The following SLC17A1 variants were observed in gnomAD, a reference collection of about 807,000 sequenced individuals.
The protein encoded by SLC17A1 is solute carrier family 17 member 1.
In SLC17A1, 51 loss-of-function variants were observed where a neutral mutation model predicts 53.5. The ratio of observed to expected loss-of-function variants is 0.95; its 90% CI spans 0.76 to 1.20. The LOEUF (loss-of-function observed/expected upper bound fraction) is 1.20, where lower values mean the gene tolerates loss of function less well. SLC17A1 is among the 50% of genes most tolerant of loss of function. The pLI is 0.00. For synonymous variants in SLC17A1, 179 were observed against 198.8 expected, an observed-to-expected ratio of 0.90 and a Z score of 0.84; for missense variants, 538 against 568.2, an observed-to-expected ratio of 0.95 and a Z score of 0.54.
At chr6:25,757,993 T>C in the SLC17A1 span, among the ~76,000 whole-genome samples, 1 of 152,172 alleles carries the variant, frequency 6.6e-6, no homozygotes, top group Non-Finnish European at 1.5e-5. Flanking sequence ...CCGTATCTGG[T>C]TCACAAGGGA....
At chr6:25,727,158 C>T in the SLC17A1 span, 2 of 1,614,180 alleles carry the variant, frequency 1.2e-6, no homozygotes, top group Non-Finnish European at 1.7e-6. Flanking sequence ...ACGTTTGGCT[C>T]ACTACAGCAA....
At chr6:25,755,261 G>T in the SLC17A1 span, among the ~76,000 whole-genome samples, 1 of 152,128 alleles carries the variant, frequency 6.6e-6, no homozygotes, top group Non-Finnish European at 1.5e-5. Context: ...AAAACCAAAC[G>T]GTTCTGGTTT....
the SLC17A1 span, among the ~76,000 whole-genome samples, chr6:25,724,875 T>A: frequency 2.4e-5 from 2 of 81,810 alleles, no homozygotes; most frequent in Admixed American, 3.2e-4. Flanking sequence ...TTATTTATTA[T>A]GTATGCAGGT....
At chr6:25,761,843 A>G in the SLC17A1 span, 2 of 743,590 alleles carry the variant, frequency 2.7e-6, no homozygotes, top group Non-Finnish European at 4.3e-6. Context: ...ATACAGCAAC[A>G]TTTGCTCCTA....
downstream of SLC17A1, among the ~76,000 whole-genome samples, chr6:25,781,452 C>T (rs1191677473): frequency 1.3e-5 from 2 of 152,068 alleles, no homozygotes; most frequent in African/African-American, 4.8e-5. Flanking sequence ...GAGACCACTG[C>T]TGAGAAGTTT....
the SLC17A1 span, among the ~76,000 whole-genome samples, chr6:25,765,128 G>A: frequency 1.3e-5 from 2 of 152,124 alleles, no homozygotes; most frequent in South Asian, 4.2e-4. Context: ...AGGCTGTAGG[G>A]GTGGACTACA....
chr6:25,780,401 G>A (rs1763237787), downstream of SLC17A1: 1 of 152,166 alleles, frequency 6.6e-6, no homozygotes, highest in Admixed American at 6.5e-5. Flanking sequence ...GTGTAAGGAA[G>A]GGCCACCCCT....
intron 12 of SLC17A1, among the ~76,000 whole-genome samples, chr6:25,784,012 A>C (rs1252463183): frequency 6.6e-6 from 1 of 152,124 alleles, no homozygotes; most frequent in Non-Finnish European, 1.5e-5. Context: ...GTGTCAATCC[A>C]GGGGCCTATC....
At chr6:25,790,395 CAA>C (rs2151475487) in intron 12 of SLC17A1, among the ~76,000 whole-genome samples, 2 of 152,214 alleles carry the variant, frequency 1.3e-5, no homozygotes, top group African/African-American at 4.8e-5. Context: ...TTTTATTAGA[CAA>C]AGAGCTTCTA....
chr6:25,765,333 T>A, the SLC17A1 span, among the ~76,000 whole-genome samples: 3 of 152,186 alleles, frequency 2.0e-5, no homozygotes, highest in African/African-American at 7.2e-5. Flanking sequence ...CTCACAACAA[T>A]CCTTCAGGAA....
chr6:25,778,317 G>GTCATTCT (rs1239930541), downstream of SLC17A1, among the ~76,000 whole-genome samples: 4 of 151,730 alleles, frequency 2.6e-5, no homozygotes, highest in African/African-American at 9.7e-5. Context: ...CCACAGGAAA[G>GTCATTCT]TTAAAGAATG....
intron 6 of SLC17A1, among the ~76,000 whole-genome samples, chr6:25,815,455 T>C (rs1179834572): frequency 2.0e-5 from 3 of 152,136 alleles, no homozygotes; most frequent in Non-Finnish European, 4.4e-5. Flanking sequence ...TGAAGTACTA[T>C]TTTTTGTTTT....
the SLC17A1 span, among the ~76,000 whole-genome samples, chr6:25,748,533 G>A: frequency 6.6e-6 from 1 of 152,146 alleles, no homozygotes; most frequent in Non-Finnish European, 1.5e-5. Context: ...CGTCAGGTGG[G>A]ACGAGAGACT....
chr6:25,742,317 T>C, the SLC17A1 span, among the ~76,000 whole-genome samples: 1 of 152,110 alleles, frequency 6.6e-6, no homozygotes, highest in Non-Finnish European at 1.5e-5. Context: ...AATCCTTTAT[T>C]TGCATAAATG....
the SLC17A1 span, among the ~76,000 whole-genome samples, chr6:25,728,324 G>A: frequency 3.9e-5 from 6 of 152,176 alleles, no homozygotes; most frequent in South Asian, 2.1e-4. Context: ...TTCCTTCATT[G>A]TCATGTTACT....
chr6:25,780,276 G>T (rs537677836), downstream of SLC17A1: 1 of 152,158 alleles, frequency 6.6e-6, no homozygotes, highest in Non-Finnish European at 1.5e-5. Flanking sequence ...TCAGTGTCTC[G>T]GGAGGGCAGA....
At chr6:25,773,839 C>G in the SLC17A1 span, among the ~76,000 whole-genome samples, 2 of 152,106 alleles carry the variant, frequency 1.3e-5, no homozygotes, top group Non-Finnish European at 2.9e-5. Flanking sequence ...TCTGATTGAT[C>G]TCAATGTGGT....
At chr6:25,777,286 G>A in the SLC17A1 span, 2 of 248,064 alleles carry the variant, frequency 8.1e-6, no homozygotes, top group Non-Finnish European at 1.5e-5. Flanking sequence ...GATTCTATAG[G>A]GTATGCTCAT....
At chr6:25,827,123 G>C (rs1326885339) in intron 2 of SLC17A1, among the ~76,000 whole-genome samples, 1 of 152,098 alleles carries the variant, frequency 6.6e-6, no homozygotes, top group East Asian at 1.9e-4. Context: ...AGCCAAACAA[G>C]TTCATTGATG....
Sources: allele counts gnomAD v4.1 joint callset (sites outside exome capture counted in the v4.1 genomes callset), GRCh38; gene constraint gnomAD v4.1.1; transcripts MANE v1.5; gene names NCBI Gene and HGNC (gene_info 2026-07-23, HGNC 2026-07-21).